CSMD1: variants seen among roughly 807,000 people sequenced by gnomAD.
The protein encoded by CSMD1 is CUB and Sushi multiple domains 1.
Under a neutral mutation model 417.5 loss-of-function variants are expected in CSMD1, and 213 were observed. The observed-to-expected ratio is 0.51, with a 90% CI of 0.46 to 0.57. The LOEUF (loss-of-function observed/expected upper bound fraction) is 0.57, where lower values mean the gene tolerates loss of function less well. Among genes scored for constraint, CSMD1 ranks in the 20% least tolerant of loss-of-function variants. The probability of loss-of-function intolerance (pLI) is 0.00; values close to 1 mark genes in which losing one functional copy is unlikely to be tolerated. For synonymous variants in CSMD1, 2,862 were observed against 1,736.8 expected (o/e 1.65, Z -16.11); for missense variants, 6,923 against 4,529.7 (o/e 1.53, Z -15.17).
At chr8:3,794,954 A>ATATC (rs1291123570) in intron 5 of CSMD1, among the ~76,000 whole-genome samples, 8 of 150,388 alleles carry the variant, frequency 5.3e-5, no homozygotes, top group Non-Finnish European at 8.9e-5. Flanking sequence ...CTATAGATAT[A>ATATC]TATCTATCAT....
chr8:4,127,048 C>G (rs544677338), intron 3 of CSMD1, among the ~76,000 whole-genome samples: 3 of 151,142 alleles, frequency 2.0e-5, no homozygotes, highest in African/African-American at 7.3e-5. Context: ...AATCATAGTT[C>G]AAGTTTTAGC....
intron 5 of CSMD1, among the ~76,000 whole-genome samples, chr8:3,995,817 G>C (rs1181936566): frequency 1.3e-5 from 2 of 152,188 alleles, no homozygotes; most frequent in Non-Finnish European, 2.9e-5. Flanking sequence ...GAAGAGAGCA[G>C]CTAAGCTAAC....
chr8:3,982,109 G>C (rs1384646653), intron 5 of CSMD1, among the ~76,000 whole-genome samples: 4 of 150,870 alleles, frequency 2.7e-5, no homozygotes, highest in Non-Finnish European at 5.9e-5. Flanking sequence ...AGTGAGTCGA[G>C]ATTGCACAAC....
At chr8:3,400,418 T>C (rs1811967087) in intron 15 of CSMD1, among the ~76,000 whole-genome samples, 2 of 152,114 alleles carry the variant, frequency 1.3e-5, no homozygotes, top group Admixed American at 1.3e-4. Flanking sequence ...GCCATATGTA[T>C]AATGTAAAAA....
chr8:3,483,101 C>T lies in CSMD1; in HGVS notation c.1448+10522G>A, dbSNP rs533653758. Among the ~76,000 whole-genome samples the T allele has an allele frequency of 8.6e-5, 13 of 151,980 alleles. No homozygotes were observed. The South Asian group carries it at 2.5e-3, about 29-fold the overall frequency. On this transcript the variant is annotated intron_variant, in intron 11 of 69. Coordinates refer to ENST00000635120, the MANE Select transcript of CSMD1 (RefSeq NM_033225.6). ...GTAATGCAAAATAGACTCAAAGAAA[C>T]TAGGAGGAAGAGTGCGATAGAGGTC...
intron 2 of CSMD1, among the ~76,000 whole-genome samples, chr8:4,511,927 T>G (rs1344532090): frequency 6.6e-6 from 1 of 152,078 alleles, no homozygotes; most frequent in Non-Finnish European, 1.5e-5. Context: ...AGCATTTCAT[T>G]CTTCCTAACA....
intron 3 of CSMD1, among the ~76,000 whole-genome samples, chr8:4,051,866 T>TTCTTTCCTTTCTTTCTC (rs148729822): frequency 0.15 from 17,573 of 118,278 alleles, 1,632 homozygotes; most frequent in East Asian, 0.44. Context: ...CTTTCTTTCT[T>TTCTTTCCTTTCTTTCTC]TCCTTCCTCC....
intron 37 of CSMD1, among the ~76,000 whole-genome samples, chr8:3,177,546 A>G (rs1821018578): frequency 6.6e-6 from 1 of 152,232 alleles, no homozygotes; most frequent in Non-Finnish European, 1.5e-5. Context: ...CTAGGAGACC[A>G]TTACAATATT....
intron 1 of CSMD1, among the ~76,000 whole-genome samples, chr8:4,680,022 T>C (rs1484350312): frequency 2.6e-5 from 4 of 152,224 alleles, no homozygotes; most frequent in Non-Finnish European, 4.4e-5. Context: ...CTTCAAGTAC[T>C]TTAATCTTAG....
chr8:2,954,145 T>C, intron 65 of CSMD1, 79 bp downstream of exon 65: 1 of 701,464 alleles, frequency 1.4e-6, no homozygotes, highest in Non-Finnish European at 2.2e-6. Context: ...ATTTAAATGT[T>C]GAAAATAGTT....
At chr8:3,539,294 C>G (rs952503803) in intron 10 of CSMD1, among the ~76,000 whole-genome samples, 1 of 152,214 alleles carries the variant, frequency 6.6e-6, no homozygotes, top group African/African-American at 2.4e-5. Flanking sequence ...CTTCCCCCTA[C>G]TGCCTACCTC....
chr8:4,323,331 A>T (rs1434635039), intron 3 of CSMD1, among the ~76,000 whole-genome samples: 2 of 152,124 alleles, frequency 1.3e-5, no homozygotes, highest in Admixed American at 1.3e-4. Context: ...TCAACCCCTA[A>T]AATTCATGAA....
intron 5 of CSMD1, among the ~76,000 whole-genome samples, chr8:3,941,769 A>C (rs1261099032): frequency 6.6e-6 from 1 of 152,162 alleles, no homozygotes; most frequent in East Asian, 1.9e-4. Flanking sequence ...GACACACACA[A>C]TTCTTTGATT....
chr8:4,222,192 G>C (rs545032642), intron 3 of CSMD1, among the ~76,000 whole-genome samples: 2 of 151,946 alleles, frequency 1.3e-5, no homozygotes, highest in Non-Finnish European at 2.9e-5. Context: ...ACACTCACAA[G>C]CTCTACCAGA....
At chr8:4,194,642 G>C (rs560128568) in intron 3 of CSMD1, among the ~76,000 whole-genome samples, 21 of 151,884 alleles carry the variant, frequency 1.4e-4, no homozygotes, top group Admixed American at 3.9e-4. Context: ...ACATTTTCTT[G>C]CAAGGAAAAT....
At chr8:3,964,253 C>G (rs1345695392) in intron 5 of CSMD1, among the ~76,000 whole-genome samples, 2 of 152,116 alleles carry the variant, frequency 1.3e-5, no homozygotes, top group South Asian at 2.1e-4. Flanking sequence ...TTGTGGCTAT[C>G]CCTCCTTTGG....
intron 7 of CSMD1, among the ~76,000 whole-genome samples, chr8:3,657,878 C>G (rs770183939): frequency 6.6e-6 from 1 of 152,176 alleles, no homozygotes; most frequent in Non-Finnish European, 1.5e-5. Flanking sequence ...CAAAAATCCT[C>G]TTGAAACTTA....
In CSMD1 at chr8:4,634,993, G is replaced by A. The variant is rs557256414; in HGVS notation, c.302+2349C>T. ...ACGTCTCCTCAAAATGGCATTCTAC[G>A]TATGCGGATAGGAGGAAGAAATATA... On this transcript the variant is annotated intron_variant, in intron 2 of 69. Coordinates refer to ENST00000635120, the MANE Select transcript of CSMD1 (RefSeq NM_033225.6). Among the ~76,000 whole-genome samples, 8 of 152,228 alleles carry A rather than the reference G, an allele frequency of 5.3e-5. No homozygotes were observed. The East Asian group carries it at 7.7e-4, about 15-fold the overall frequency.
intron 57 of CSMD1, among the ~76,000 whole-genome samples, chr8:2,969,854 T>C (rs1804290236): frequency 6.6e-6 from 1 of 152,214 alleles, no homozygotes; most frequent in African/African-American, 2.4e-5. Flanking sequence ...ATACATAATT[T>C]GTTGCCTTAT....
Sources: allele counts gnomAD v4.1 joint callset (sites outside exome capture counted in the v4.1 genomes callset), GRCh38; gene constraint gnomAD v4.1.1; transcripts MANE v1.5; gene names NCBI Gene and HGNC (gene_info 2026-07-23, HGNC 2026-07-21).